The following SCNN1B variants were observed in gnomAD, a reference collection of about 807,000 sequenced individuals.
SCNN1B encodes sodium channel epithelial 1 subunit beta.
SCNN1B carries 46 observed loss-of-function variants against 65.3 expected under a neutral mutation model. That is an observed-to-expected ratio of 0.70 (90% CI 0.56 to 0.90). The LOEUF (loss-of-function observed/expected upper bound fraction) is 0.90, where lower values mean the gene tolerates loss of function less well. SCNN1B is among the 40% of genes least tolerant of loss of function. SCNN1B has a pLI of 0.00. For synonymous variants in SCNN1B, 349 were observed against 330.6 expected, an observed-to-expected ratio of 1.06 and a Z score of -0.60; for missense variants, 751 against 830.5, an observed-to-expected ratio of 0.90 and a Z score of 1.18.
At chr16:23,326,495 C>T (rs776312784) in intron 1 of SCNN1B, among the ~76,000 whole-genome samples, 11 of 152,056 alleles carry the variant, frequency 7.2e-5, no homozygotes, top group Non-Finnish European at 1.6e-4. Flanking sequence ...GACAGAGTCT[C>T]ACTCTGTCAC....
chr16:23,302,239 G>T (rs1289240325), upstream of SCNN1B: 1 of 152,318 alleles, frequency 6.6e-6, no homozygotes, highest in East Asian at 1.9e-4. Flanking sequence ...GGCCGGTAGC[G>T]CCCAGTAAGC....
At chr16:23,317,622 A>C (rs1249436072) in intron 1 of SCNN1B, among the ~76,000 whole-genome samples, 1 of 150,820 alleles carries the variant, frequency 6.6e-6, no homozygotes, top group Non-Finnish European at 1.5e-5. Flanking sequence ...CTCAGGGAAA[A>C]CTCCTTCCTG....
intron 1 of SCNN1B, chr16:23,304,012 A>G: frequency 2.3e-5 from 34 of 1,448,988 alleles, no homozygotes; most frequent in Non-Finnish European, 3.1e-5. Context: ...GCTGCTGCAT[A>G]TAAACCCAGC....
chr16:23,352,019 A>G (rs1962320147), intron 2 of SCNN1B, among the ~76,000 whole-genome samples: 1 of 152,188 alleles, frequency 6.6e-6, no homozygotes, highest in Non-Finnish European at 1.5e-5. Flanking sequence ...TGAGCTATAT[A>G]TGGGGACGGT....
upstream of SCNN1B, among the ~76,000 whole-genome samples, chr16:23,299,225 A>C (rs920331598): frequency 1.3e-5 from 2 of 151,616 alleles, no homozygotes; most frequent in African/African-American, 4.8e-5. Context: ...ATGCCTGGCT[A>C]ATTTTTTGTA....
chr16:23,279,822 G>C (rs947096858), intron 1 of SCNN1B, among the ~76,000 whole-genome samples: 3 of 152,194 alleles, frequency 2.0e-5, no homozygotes, highest in African/African-American at 7.2e-5. Context: ...CTTGCTGGGA[G>C]GGTGGAGGAA....
At chr16:23,336,545 T>C (rs1413048856) in intron 1 of SCNN1B, among the ~76,000 whole-genome samples, 5 of 152,180 alleles carry the variant, frequency 3.3e-5, no homozygotes, top group Middle Eastern at 3.4e-3. Flanking sequence ...CTAATTTGTG[T>C]ATTTTTAGTA....
intron 2 of SCNN1B, among the ~76,000 whole-genome samples, chr16:23,296,245 G>C (rs1960995747): frequency 6.6e-6 from 1 of 152,104 alleles, no homozygotes; most frequent in South Asian, 2.1e-4. Flanking sequence ...GGCGCCACGG[G>C]GATCCAGAGA....
intron 1 of SCNN1B, among the ~76,000 whole-genome samples, chr16:23,304,331 TACAC>T (rs60928907): frequency 0.19 from 29,519 of 151,872 alleles, 2,909 homozygotes; most frequent in Middle Eastern, 0.29. Flanking sequence ...ACATGAGACA[TACAC>T]ACAAGCAAGT....
intron 2 of SCNN1B, among the ~76,000 whole-genome samples, chr16:23,293,825 G>C (rs1354132067): frequency 6.6e-6 from 1 of 152,140 alleles, no homozygotes; most frequent in Non-Finnish European, 1.5e-5. Context: ...TCAGGAGGCT[G>C]AGGGAGGAGG....
intron 2 of SCNN1B, among the ~76,000 whole-genome samples, chr16:23,283,999 C>T (rs1960817879): frequency 6.6e-6 from 1 of 152,360 alleles, no homozygotes; most frequent in Non-Finnish European, 1.5e-5. Flanking sequence ...GCCCTGGCTC[C>T]TCCCCTTGTC....
chr16:23,338,674 A>G (rs1309528476), intron 1 of SCNN1B, among the ~76,000 whole-genome samples: 1 of 152,212 alleles, frequency 6.6e-6, no homozygotes, highest in Non-Finnish European at 1.5e-5. Flanking sequence ...ATGGAATGGG[A>G]AGAATTGGGG....
intron 4 of SCNN1B, among the ~76,000 whole-genome samples, chr16:23,361,783 TTTTG>T (rs757766626): frequency 1.8e-4 from 28 of 152,230 alleles, no homozygotes; most frequent in African/African-American, 3.4e-4. Context: ...TTTTTGGTTG[TTTTG>T]TTTGTTTGTT....
chr16:23,338,754 G>A (rs750922614), intron 1 of SCNN1B, among the ~76,000 whole-genome samples: 11 of 152,146 alleles, frequency 7.2e-5, no homozygotes, highest in African/African-American at 1.2e-4. Context: ...ATGGTCATGC[G>A]GGGACAACCG....
intron 1 of SCNN1B, among the ~76,000 whole-genome samples, chr16:23,343,644 A>AC: frequency 7.8e-6 from 1 of 127,408 alleles, no homozygotes; most frequent in African/African-American, 3.2e-5. Flanking sequence ...AGAAAGAAAG[A>AC]AAGAAAAAAA....
rs1963024253 is a variant in SCNN1B at position 23,380,573 on chromosome 16, G to A, written c.1695G>A (p.Arg565=). The change falls in exon 13 of 13, where the codon CGG becomes CGA. Residue 565 remains arginine (R), a synonymous_variant. Coordinates refer to ENST00000343070, the MANE Select transcript of SCNN1B (RefSeq NM_000336.3). The surrounding 1 kb of genome is among the most constrained non-coding windows in gnomAD (Gnocchi z 5.4). ...CCTTGGCCAAGAGCCTACGGCAGCG[G>A]CGAGCCCAAGCCAGCTACGCTGGCC... ...LVALAKSLRQ[R]RAQASYAGPP... 2 of 1,614,078 alleles carry A rather than the reference G, an allele frequency of 1.2e-6. No homozygotes were observed. The highest frequency in any genetic ancestry group is 1.7e-6 in the Non-Finnish European group (2 of 1,180,040).
In SCNN1B at chr16:23,360,409, C is replaced by A. The variant is rs1163092910; in HGVS notation, c.776+4920C>A. ...TTTTAAAATAACAAAATTAGCCCGG[C>A]GTGGTGGTACACACCTGTAGACTCA... On this transcript the variant is annotated intron_variant, in intron 4 of 12. Coordinates refer to ENST00000343070, the MANE Select transcript of SCNN1B (RefSeq NM_000336.3). Among the ~76,000 whole-genome samples the A allele has an allele frequency of 4.0e-5, 6 of 151,668 alleles. No homozygotes were observed. The East Asian group carries it at 1.2e-3, about 30-fold the overall frequency.
At chr16:23,342,691 T>C (rs1962077898) in intron 1 of SCNN1B, among the ~76,000 whole-genome samples, 1 of 152,188 alleles carries the variant, frequency 6.6e-6, no homozygotes, top group Admixed American at 6.6e-5. Context: ...CCTAGTGTTT[T>C]AAGAAAGTTT....
At chr16:23,316,739 A>G (rs112557507) in intron 1 of SCNN1B, among the ~76,000 whole-genome samples, 4,443 of 148,904 alleles carry the variant, frequency 0.03, 100 homozygotes, top group Non-Finnish European at 0.044. Flanking sequence ...CTCCTCTGTC[A>G]TCACTGTCAC....
Sources: gnomAD v4.1 joint callset for allele counts (sites outside exome capture counted in the v4.1 genomes callset) on GRCh38, gnomAD v4.1.1 for gene constraint, Gnocchi (gnomAD v3.1) non-coding constraint, MANE v1.5 for transcripts, NCBI Gene and HGNC (gene_info 2026-07-23, HGNC 2026-07-21) for gene names.